BPIFA2: variants seen among roughly 807,000 people sequenced by gnomAD.
BPIFA2 encodes the protein BPI fold containing family A member 2.
Under a neutral mutation model 25.7 loss-of-function variants are expected in BPIFA2, and 20 were observed. The observed-to-expected ratio is 0.78, with a 90% CI of 0.55 to 1.13. The LOEUF is 1.13. Ranked by LOEUF, BPIFA2 falls within the 50% of genes most tolerant of loss-of-function variation. The pLI, the probability that BPIFA2 is intolerant of heterozygous loss-of-function variation, is 0.00. For missense variants in BPIFA2, 300 were observed against 298.1 expected, an observed-to-expected ratio of 1.01 and a Z score of -0.05; for synonymous variants, 126 against 124.3, an observed-to-expected ratio of 1.01 and a Z score of -0.09.
At chr20:33,172,806 C>G in intron 2 of BPIFA2, 126 bp from the exon 3 acceptor site, 1 of 1,054,848 alleles carries the variant, frequency 9.5e-7, no homozygotes, top group Non-Finnish European at 1.3e-6. Flanking sequence ...GTGACAATAT[C>G]TACTTCACTG....
upstream of BPIFA2, among the ~76,000 whole-genome samples, chr20:33,164,356 G>T (rs1012008965): frequency 2.0e-5 from 3 of 152,158 alleles, no homozygotes; most frequent in African/African-American, 7.2e-5. Flanking sequence ...GCTCGCTCAT[G>T]TCAAGAGGCC....
chr20:33,175,601 C>T, intron 5 of BPIFA2, 42 bp downstream of exon 5: 1 of 1,597,104 alleles, frequency 6.3e-7, no homozygotes, highest in Non-Finnish European at 8.6e-7. Flanking sequence ...TCTCAGGGAA[C>T]TTGAGGACCC....
chr20:33,178,554 T>G (rs1984163142), intron 6 of BPIFA2, among the ~76,000 whole-genome samples: 1 of 152,216 alleles, frequency 6.6e-6, no homozygotes, highest in Admixed American at 6.5e-5. Flanking sequence ...AAAATAAAAC[T>G]TTATATCCCT....
upstream of BPIFA2, chr20:33,168,048 T>C (rs1386594894): frequency 6.6e-6 from 1 of 152,074 alleles, no homozygotes; most frequent in Non-Finnish European, 1.5e-5. Context: ...TGGAGAGGGG[T>C]TATTTTCCTT....
upstream of BPIFA2, among the ~76,000 whole-genome samples, chr20:33,163,353 C>T (rs977219732): frequency 6.6e-6 from 1 of 152,212 alleles, no homozygotes; most frequent in Non-Finnish European, 1.5e-5. Context: ...TCATGATCCC[C>T]AACCTTAAGG....
At chr20:33,170,400 C>T (rs1258068612) in intron 2 of BPIFA2, among the ~76,000 whole-genome samples, 1 of 152,070 alleles carries the variant, frequency 6.6e-6, no homozygotes, top group Non-Finnish European at 1.5e-5. Context: ...GAGCATCATC[C>T]TGTATCTATC....
At chr20:33,172,795 A>C (rs868594602) in intron 2 of BPIFA2, 137 bp from the exon 3 acceptor site, 8 of 955,904 alleles carry the variant, frequency 8.4e-6, no homozygotes, top group Middle Eastern at 3.5e-4. Context: ...AAAAGCAGAC[A>C]GTGACAATAT....
At chr20:33,173,119 G>A in intron 3 of BPIFA2, 43 bp downstream of exon 3, 2 of 1,593,074 alleles carry the variant, frequency 1.3e-6, no homozygotes, top group Non-Finnish European at 1.7e-6. Context: ...TCTAAGGAAA[G>A]GGAAAACATA....
At chr20:33,167,933 A>C (rs1983773599), upstream of BPIFA2, among the ~76,000 whole-genome samples, 3 of 152,222 alleles carry the variant, frequency 2.0e-5, no homozygotes, top group South Asian at 6.2e-4. Flanking sequence ...AGGCTCCATG[A>C]GGACCTGGTC....
chr20:33,167,458 G>A (rs1234916457), upstream of BPIFA2, among the ~76,000 whole-genome samples: 1 of 152,190 alleles, frequency 6.6e-6, no homozygotes, highest in Non-Finnish European at 1.5e-5. Flanking sequence ...TGGCCCAAAT[G>A]CCTGGTTCCT....
chr20:33,166,315 C>A (rs1308112159), upstream of BPIFA2, among the ~76,000 whole-genome samples: 4 of 152,152 alleles, frequency 2.6e-5, no homozygotes, highest in Non-Finnish European at 5.9e-5. Flanking sequence ...CCATGCCTGG[C>A]CAGATGGTCC....
intron 5 of BPIFA2, among the ~76,000 whole-genome samples, chr20:33,176,532 G>A (rs1202836444): frequency 3.3e-5 from 5 of 152,232 alleles, no homozygotes; most frequent in African/African-American, 4.8e-5. Context: ...TCCATAGCCT[G>A]ATGTGAGTTG....
In BPIFA2 at chr20:33,169,212, G is replaced by C. The variant is rs201683810; in HGVS notation, c.67G>C (p.Asp23His). The change falls in exon 2 of 9, where the codon GAC (aspartate) becomes CAC (histidine). Residue 23 changes from aspartate (D) to histidine (H), a missense_variant. Coordinates refer to ENST00000354932, the MANE Select transcript of BPIFA2 (RefSeq NM_080574.4). ...VLTGTSESLLDNLGNDLSNVV... is the reference protein window; with the variant it reads ...VLTGTSESLLHNLGNDLSNVV... ...CACTGGGACCTCAGAGTCTCTTCTT[G>C]ACAATCTTGGCAATGACCTAAGCAA... 1.2e-6 allele frequency: 2 copies of C among 1,614,054 alleles called. No homozygotes were observed. Among genetic ancestry groups the C allele is most frequent in the East Asian group, 2.2e-5 (1 of 44,882 alleles).
Position 33,180,607 on chromosome 20 carries a change from C to T in BPIFA2, c.*37+10C>T. The T allele has an allele frequency of 6.3e-7, 1 of 1,577,088 alleles. No individual in the cohort carries two copies. The highest frequency in any genetic ancestry group is 8.7e-7 in the Non-Finnish European group (1 of 1,146,488). On this transcript the variant is annotated intron_variant, in intron 8 of 8. Coordinates refer to ENST00000354932, the MANE Select transcript of BPIFA2 (RefSeq NM_080574.4). ...ACTGTGGTGCATGCTGGTGAGGAGC[C>T]AGTCTCTGTGCCCCAATGCACAGGG...
At chr20:33,175,362 C>T (rs1984038117) in intron 4 of BPIFA2, 45 bp from the exon 5 acceptor site, 1 of 1,579,442 alleles carries the variant, frequency 6.3e-7, no homozygotes, top group African/African-American at 1.3e-5. Context: ...GGGCAACAGG[C>T]AGGAACTTCT....
chr20:33,176,461 G>A (rs1025269704), intron 5 of BPIFA2, among the ~76,000 whole-genome samples: 27 of 152,278 alleles, frequency 1.8e-4, no homozygotes, highest in African/African-American at 6.5e-4. Flanking sequence ...CACTCCACTC[G>A]CCCTGCACTG....
At chr20:33,165,851 G>A (rs1052466588), upstream of BPIFA2, among the ~76,000 whole-genome samples, 1 of 152,018 alleles carries the variant, frequency 6.6e-6, no homozygotes, top group African/African-American at 2.4e-5. Context: ...GGAGGAGGAG[G>A]AGCACACAGG....
At chr20:33,181,151 C>T (rs969259631) in intron 8 of BPIFA2, 73 bp from the exon 9 acceptor site, 7 of 152,558 alleles carry the variant, frequency 4.6e-5, no homozygotes, top group African/African-American at 1.7e-4. Flanking sequence ...ATCAAGTGCC[C>T]AGTGGATGAC....
At chr20:33,164,351 C>T (rs1229861076), upstream of BPIFA2, among the ~76,000 whole-genome samples, 1 of 152,146 alleles carries the variant, frequency 6.6e-6, no homozygotes, top group Non-Finnish European at 1.5e-5. Flanking sequence ...AGAGAGCTCG[C>T]TCATGTCAAG....
Sources: allele counts gnomAD v4.1 joint callset (sites outside exome capture counted in the v4.1 genomes callset), GRCh38; gene constraint gnomAD v4.1.1; transcripts MANE v1.5; gene names NCBI Gene and HGNC (gene_info 2026-07-23, HGNC 2026-07-21).